The following SPAG17 variants were observed in gnomAD, a reference collection of about 807,000 sequenced individuals.
SPAG17 encodes the protein sperm associated antigen 17.
SPAG17 carries 169 observed loss-of-function variants against 273.6 expected under a neutral mutation model. The observed-to-expected ratio is 0.62, with a 90% confidence interval of 0.55 to 0.70. The LOEUF (loss-of-function observed/expected upper bound fraction) is 0.70, where lower values mean the gene tolerates loss of function less well. Ranked by LOEUF, SPAG17 falls within the 30% of genes least tolerant of loss-of-function variation. The pLI is 0.00. For synonymous variants in SPAG17, 825 were observed against 873.2 expected (o/e 0.94, Z 0.97); for missense variants, 2,557 against 2,627.8 (o/e 0.97, Z 0.59).
rs373663553 is a variant in SPAG17 at position 118,096,467 on chromosome 1, AG to A, written c.1011+1202del. On this transcript the variant is annotated intron_variant, in intron 7 of 48. Transcript: ENST00000336338. ...CACTCACTTGATATGGTCCTTCCCT[AG>A]GACTTTGCTTTCATTTCAGCTCCCT... Among the ~76,000 whole-genome samples, 24 of 151,720 alleles carry A rather than the reference AG, an allele frequency of 1.6e-4. No homozygotes were observed. In the East Asian group the frequency reaches 4.3e-3, roughly 27 times the overall value.
intron 1 of SPAG17, among the ~76,000 whole-genome samples, chr1:118,158,647 T>C (rs1451794949): frequency 1.3e-5 from 2 of 152,220 alleles, no homozygotes; most frequent in East Asian, 1.9e-4. Context: ...CCTGCCGCTA[T>C]ATTCTGGCTT....
intron 20 of SPAG17, among the ~76,000 whole-genome samples, chr1:118,047,992 C>T (rs1156236360): frequency 6.6e-6 from 1 of 152,118 alleles, no homozygotes; most frequent in South Asian, 2.1e-4. Flanking sequence ...TTCCTGTGAA[C>T]CTTGGCTCTA....
chr1:117,957,236 G>A (rs1393713538), intron 48 of SPAG17: 2 of 1,590,754 alleles, frequency 1.3e-6, no homozygotes, highest in Non-Finnish European at 1.7e-6. Context: ...CTGTTCAGCA[G>A]AACTGCTTCA....
At chr1:118,084,674 G>C (rs1654847184) in intron 13 of SPAG17, among the ~76,000 whole-genome samples, 1 of 152,204 alleles carries the variant, frequency 6.6e-6, no homozygotes, top group Admixed American at 6.5e-5. Context: ...ATTCATCTGT[G>C]TATCTCTAGG....
At chr1:118,090,486 G>C (rs1457925965) in intron 10 of SPAG17, among the ~76,000 whole-genome samples, 1 of 152,092 alleles carries the variant, frequency 6.6e-6, no homozygotes, top group Non-Finnish European at 1.5e-5. Flanking sequence ...CACTCGAAAA[G>C]AAATGTATAG....
rs931883126 is a variant in SPAG17 at position 118,058,261 on chromosome 1, G to A, written c.2541-2347C>T. On this transcript the variant is annotated intron_variant, in intron 18 of 48. Coordinates refer to ENST00000336338, the MANE Select transcript of SPAG17 (RefSeq NM_206996.4). ...CTTGCTCTGTAACCCAGGCTGGAGT[G>A]CAGGGGTACAATCATGTCTCACAGG... is the stretch of plus-strand genomic sequence containing the variant. 1.3e-5 allele frequency among the ~76,000 whole-genome samples: 2 copies of A among 152,238 alleles called. 1 individual carries two copies. Among genetic ancestry groups the A allele is most frequent in the South Asian group, 4.2e-4 (2 of 4,818 alleles).
chr1:118,036,241 A>G (rs1347947187), intron 24 of SPAG17, among the ~76,000 whole-genome samples: 1 of 152,026 alleles, frequency 6.6e-6, no homozygotes, highest in Non-Finnish European at 1.5e-5. Flanking sequence ...GAAGGAAGGA[A>G]GTGGGGTACA....
intron 4 of SPAG17, among the ~76,000 whole-genome samples, chr1:118,102,725 G>A (rs1250315545): frequency 6.6e-6 from 1 of 152,196 alleles, no homozygotes; most frequent in Non-Finnish European, 1.5e-5. Context: ...ACTTCATAAT[G>A]TAATTACACT....
intron 13 of SPAG17, 144 bp downstream of exon 13, chr1:118,085,778 T>G: frequency 1.5e-6 from 1 of 667,330 alleles, no homozygotes. Context: ...ACAAGAAAGT[T>G]GTAGTCAATC....
chr1:118,102,680 T>A (rs1471297726), intron 4 of SPAG17, among the ~76,000 whole-genome samples: 1 of 152,232 alleles, frequency 6.6e-6, no homozygotes, highest in East Asian at 1.9e-4. Flanking sequence ...CCGCTTTTCT[T>A]TCTTTCCCAA....
rs762627980 is a variant in SPAG17 at position 118,015,991 on chromosome 1, G to C, written c.4261C>G (p.Gln1421Glu). The stretch of plus-strand genomic sequence containing the variant: ...GTTCCATTGACAGGATCTGTGGCCT[G>C]AAAGGATAACAATGGGGTCAAGTCT... ...IADLTPLLSF[Q>E]ATDPVNGTVM... is the part of the protein sequence containing the mutation. Residue 1421 changes from glutamine (Q) to glutamate (E), a missense_variant, in exon 29 of 49, where the codon CAG becomes GAG. Gln to Glu is a conservative substitution (Grantham distance 29, BLOSUM62 2). Coordinates refer to ENST00000336338, the MANE Select transcript of SPAG17 (RefSeq NM_206996.4). 2.4e-5 allele frequency: 38 copies of C among 1,613,896 alleles called. No homozygotes were observed. The highest frequency in any genetic ancestry group is 1.3e-5 in the African/African-American group (1 of 74,920).
intron 32 of SPAG17, among the ~76,000 whole-genome samples, chr1:117,999,515 C>A (rs921685659): frequency 6.6e-6 from 1 of 152,202 alleles, no homozygotes; most frequent in Non-Finnish European, 1.5e-5. Flanking sequence ...TTAACGATTG[C>A]CATTCTAACT....
At chr1:118,054,183 G>T in intron 19 of SPAG17, 90 bp from the exon 20 acceptor site, 1 of 749,510 alleles carries the variant, frequency 1.3e-6, no homozygotes, top group Non-Finnish European at 2.2e-6. Flanking sequence ...GATCTCAAAG[G>T]CTTTCAAGTT....
At chr1:117,958,476 A>G (rs1652545767) in intron 48 of SPAG17, among the ~76,000 whole-genome samples, 1 of 152,212 alleles carries the variant, frequency 6.6e-6, no homozygotes, top group Non-Finnish European at 1.5e-5. Flanking sequence ...TAGGGTCATC[A>G]AGGATATCTT....
intron 41 of SPAG17, 71 bp from the exon 42 acceptor site, chr1:117,983,984 T>G (rs1418118823): frequency 3.1e-6 from 2 of 643,156 alleles, no homozygotes; most frequent in African/African-American, 3.6e-5. Context: ...TATGTTAAAT[T>G]AATAAGCAAT....
At chr1:118,077,160 T>C (rs993476640) in intron 15 of SPAG17, among the ~76,000 whole-genome samples, 6 of 152,176 alleles carry the variant, frequency 3.9e-5, no homozygotes, top group African/African-American at 1.4e-4. Flanking sequence ...GAATTAAAGT[T>C]GGCGGCTTTG....
chr1:118,032,566 TC>T lies in SPAG17; in HGVS notation c.3434-700del, dbSNP rs535494397. Among the ~76,000 whole-genome samples the T allele has an allele frequency of 1.8e-3, 277 of 151,942 alleles. 1 individual carries two copies. The highest frequency in any genetic ancestry group is 0.017 in the Middle Eastern group (5 of 294). ...TCTCCTCTACTTACTCTTTTGTCAG[TC>T]CCCTAAATGTTTTTATTTATTTTTA... On this transcript the variant is annotated intron_variant, in intron 24 of 48. Coordinates refer to ENST00000336338, the MANE Select transcript of SPAG17 (RefSeq NM_206996.4).
At chr1:118,044,091 T>A (rs1364408161) in intron 20 of SPAG17, among the ~76,000 whole-genome samples, 2 of 152,210 alleles carry the variant, frequency 1.3e-5, no homozygotes, top group Non-Finnish European at 2.9e-5. Context: ...ATATGTAAAT[T>A]TTGTACTATA....
At chr1:118,033,956 T>C (rs150478871) in intron 24 of SPAG17, among the ~76,000 whole-genome samples, 2 of 152,300 alleles carry the variant, frequency 1.3e-5, no homozygotes, top group African/African-American at 4.8e-5. Context: ...TCTATTTATG[T>C]TTTCCTTGTT....
Sources: gnomAD v4.1 joint callset for allele counts (sites outside exome capture counted in the v4.1 genomes callset) on GRCh38, gnomAD v4.1.1 for gene constraint, MANE v1.5 for transcripts, NCBI Gene and HGNC (gene_info 2026-07-23, HGNC 2026-07-21) for gene names.